KLHDC10: variants seen among roughly 807,000 people sequenced by gnomAD.
KLHDC10 encodes the protein kelch domain containing 10, also known as kelch domain-containing protein 10.
In KLHDC10, 24 loss-of-function variants were observed where a neutral mutation model predicts 56.1. The observed-to-expected ratio is 0.43, with a 90% CI of 0.31 to 0.60. KLHDC10 has a LOEUF of 0.60. KLHDC10 is among the 20% of genes least tolerant of loss of function. The probability of loss-of-function intolerance (pLI) is 0.11; values close to 1 mark genes in which losing one functional copy is unlikely to be tolerated. For missense variants in KLHDC10, 349 were observed against 567.0 expected (o/e 0.62, Z 3.91); for synonymous variants, 188 against 207.1 (o/e 0.91, Z 0.79).
At chr7:130,084,480 GA>G (rs1795654205) in intron 1 of KLHDC10, among the ~76,000 whole-genome samples, 1 of 152,086 alleles carries the variant, frequency 6.6e-6, no homozygotes, top group South Asian at 2.1e-4. Context: ...GAATCAAGAT[GA>G]TTGCTAACAA....
intron 8 of KLHDC10, among the ~76,000 whole-genome samples, chr7:130,127,958 A>G (rs1042447713): frequency 7.2e-5 from 11 of 152,234 alleles, no homozygotes; most frequent in African/African-American, 2.4e-4. Flanking sequence ...CTTTAACTAA[A>G]TGTGATAAGT....
chr7:130,097,003 G>T lies in KLHDC10; in HGVS notation c.249G>T (p.Leu83Phe). Residue 83 changes from leucine to phenylalanine, a missense_variant, in exon 2 of 10, where the codon TTG becomes TTT. By Grantham distance (22) the Leu-to-Phe change is conservative (BLOSUM62 0). Coordinates refer to ENST00000335420, the MANE Select transcript of KLHDC10 (RefSeq NM_014997.4). ...CPIIRIPNRF[L>F]RGHRPPPARS... ...TCATAAGGATCCCTAACAGGTTTTTGAGAGGTGGGTGATAATTAGCAAGAG... is the reference window on the plus strand; with the variant it reads ...TCATAAGGATCCCTAACAGGTTTTTTAGAGGTGGGTGATAATTAGCAAGAG... The T allele has an allele frequency of 6.2e-7, 1 of 1,600,032 alleles. No individual in the cohort carries two copies. The highest frequency in any genetic ancestry group is 8.5e-7 in the Non-Finnish European group (1 of 1,169,902).
intron 8 of KLHDC10, among the ~76,000 whole-genome samples, chr7:130,128,887 A>ATATATATATATAT (rs1434178196): frequency 2.6e-4 from 18 of 68,242 alleles, no homozygotes; most frequent in African/African-American, 1.1e-3. Flanking sequence ...AAAAAAAAAA[A>ATATATATATATAT]AAATATATAT....
Position 130,134,900 on chromosome 7 carries a change from G to A in KLHDC10, c.*4154G>A, listed in dbSNP as rs1796447878. 6.6e-6 allele frequency: 1 copy of A among 152,084 alleles called. No individual in the cohort carries two copies. Among genetic ancestry groups the A allele is most frequent in the Non-Finnish European group, 1.5e-5 (1 of 68,026 alleles). 9.4% of individuals were successfully genotyped at this position (152,084 alleles called of 1,614,324 possible). A position where few individuals can be genotyped will look rare whatever the true frequency, so the allele number is the denominator to read the frequency against. On this transcript the variant is annotated 3_prime_UTR_variant, in exon 10 of 10. Transcript: ENST00000335420. The stretch of plus-strand genomic sequence containing the variant: ...AGACGCACCCGCAGGGCCTGAGGTA[G>A]GCTTCATAGAGTTCTAGGACTTCCG...
chr7:130,099,592 G>T (rs945427614), intron 2 of KLHDC10, among the ~76,000 whole-genome samples: 3 of 152,110 alleles, frequency 2.0e-5, no homozygotes, highest in East Asian at 3.9e-4. Context: ...CTCAAACCAT[G>T]GGGATCAGGC....
chr7:130,081,277 G>T (rs1217070003), intron 1 of KLHDC10, among the ~76,000 whole-genome samples: 2 of 151,632 alleles, frequency 1.3e-5, no homozygotes, highest in Admixed American at 6.6e-5. Flanking sequence ...GGGATTACAG[G>T]CGTGAGCCAC....
intron 2 of KLHDC10, among the ~76,000 whole-genome samples, chr7:130,106,923 A>G (rs1004752470): frequency 7.9e-5 from 12 of 152,306 alleles, no homozygotes; most frequent in Middle Eastern, 3.4e-3. Flanking sequence ...GTGAGCAGTG[A>G]TTACACTGCT....
At chr7:130,074,610 G>T (rs1220296855) in intron 1 of KLHDC10, among the ~76,000 whole-genome samples, 1 of 150,186 alleles carries the variant, frequency 6.7e-6, no homozygotes, top group Non-Finnish European at 1.5e-5. Context: ...TAAAATCAAG[G>T]TTCTCTCTCT....
At chr7:130,085,782 C>T (rs981156844) in intron 1 of KLHDC10, among the ~76,000 whole-genome samples, 11 of 148,502 alleles carry the variant, frequency 7.4e-5, no homozygotes, top group South Asian at 2.1e-4. Flanking sequence ...TGCAGTGAGC[C>T]GACATTGCAC....
intron 1 of KLHDC10, among the ~76,000 whole-genome samples, chr7:130,085,899 A>G (rs1185746709): frequency 2.0e-5 from 3 of 151,864 alleles, no homozygotes; most frequent in African/African-American, 4.8e-5. Context: ...TTGTACTACC[A>G]TTAGTACAGT....
At chr7:130,128,889 A>AAAAATATATAT in intron 8 of KLHDC10, among the ~76,000 whole-genome samples, 5 of 66,952 alleles carry the variant, frequency 7.5e-5, no homozygotes, top group African/African-American at 2.2e-4. Context: ...AAAAAAAAAA[A>AAAAATATATAT]ATATATATAT....
intron 1 of KLHDC10, among the ~76,000 whole-genome samples, chr7:130,095,224 A>G (rs1458787173): frequency 6.6e-6 from 1 of 151,790 alleles, no homozygotes; most frequent in Non-Finnish European, 1.5e-5. Context: ...ATATATACTT[A>G]TATTTATCCA....
At chr7:130,108,304 A>G (rs530301312) in intron 2 of KLHDC10, among the ~76,000 whole-genome samples, 6 of 152,256 alleles carry the variant, frequency 3.9e-5, no homozygotes, top group Admixed American at 1.3e-4. Context: ...ATGTTCCTTA[A>G]TGGGTTATCC....
intron 1 of KLHDC10, among the ~76,000 whole-genome samples, chr7:130,073,293 CTTTTTT>C (rs768140763): frequency 8.1e-6 from 1 of 122,952 alleles, no homozygotes. Context: ...TCCTATTTGT[CTTTTTT>C]TTTTTTTTTT....
intron 3 of KLHDC10, among the ~76,000 whole-genome samples, chr7:130,119,209 A>AG (rs1491086811): frequency 1.2e-5 from 1 of 82,824 alleles, no homozygotes; most frequent in Non-Finnish European, 2.4e-5. Context: ...CTCCAACTCA[A>AG]AAAAAAAAAA....
chr7:130,130,973 A>G lies in KLHDC10; in HGVS notation c.*227A>G, dbSNP rs1160097933. On this transcript the variant is annotated 3_prime_UTR_variant, in exon 10 of 10. Coordinates refer to ENST00000335420, the MANE Select transcript of KLHDC10 (RefSeq NM_014997.4). This position sits in a 1 kb window ranked among gnomAD's most constrained non-coding sequence, Gnocchi z 4.2. Reference sequence around the variant, plus strand: ...GTTCCTCCTGACCCATTACATGCACATGTACTCACATACTCCCTCTTCCTT... The same window carrying G: ...GTTCCTCCTGACCCATTACATGCACGTGTACTCACATACTCCCTCTTCCTT... 12 of 511,058 alleles carry G rather than the reference A, an allele frequency of 2.3e-5. No homozygotes were observed. In the Admixed American group the frequency reaches 3.5e-4, roughly 15 times the overall value. 31.7% of individuals were successfully genotyped at this position (511,058 alleles called of 1,614,324 possible). A position where few individuals can be genotyped will look rare whatever the true frequency, so the allele number is the denominator to read the frequency against.
Position 130,128,888 on chromosome 7 carries a change from A to AT in KLHDC10, c.980-549_980-548insT, listed in dbSNP as rs60704626. Among the ~76,000 whole-genome samples, 341 of 98,270 alleles carry AT rather than the reference A, an allele frequency of 3.5e-3. 3 individuals are homozygous for AT. Among genetic ancestry groups the AT allele is most frequent in the African/African-American group, 0.012 (277 of 23,044 alleles). The allele number at this position is 98,270 out of a possible 152,430, so 64.5% of individuals were successfully genotyped here. A position where few individuals can be genotyped will look rare whatever the true frequency, so the allele number is the denominator to read the frequency against. On this transcript the variant is annotated intron_variant, in intron 8 of 9. Transcript: ENST00000335420. The stretch of plus-strand genomic sequence containing the variant: ...GACCTTGTCTCTTAAAAAAAAAAAA[A>AT]AATATATATATATATATATATATAT...
At chr7:130,117,355 T>C (rs1405625156) in intron 3 of KLHDC10, among the ~76,000 whole-genome samples, 3 of 152,198 alleles carry the variant, frequency 2.0e-5, no homozygotes, top group Non-Finnish European at 4.4e-5. Flanking sequence ...CAATTGGCTC[T>C]TCCTTTCACA....
intron 2 of KLHDC10, among the ~76,000 whole-genome samples, chr7:130,113,458 G>A (rs776575519): frequency 7.9e-5 from 12 of 151,690 alleles, no homozygotes; most frequent in Non-Finnish European, 1.3e-4. Flanking sequence ...TCAGCCTTCC[G>A]AGTAGCTGGG....
Sources: allele counts gnomAD v4.1 joint callset (sites outside exome capture counted in the v4.1 genomes callset), GRCh38; gene constraint gnomAD v4.1.1; non-coding constraint Gnocchi (gnomAD v3.1); transcripts MANE v1.5; gene names NCBI Gene and HGNC (gene_info 2026-07-23, HGNC 2026-07-21).